PCDHA12: variants seen among roughly 807,000 people sequenced by gnomAD.
The protein encoded by PCDHA12 is protocadherin alpha-12.
Under a neutral mutation model 60.0 loss-of-function variants are expected in PCDHA12, and 44 were observed. The observed-to-expected ratio is 0.73, with a 90% CI of 0.58 to 0.94. PCDHA12 has a LOEUF of 0.94. PCDHA12 is among the 40% of genes least tolerant of loss of function. PCDHA12 has a pLI of 0.00. For synonymous variants in PCDHA12, 569 were observed against 553.0 expected (o/e 1.03, Z -0.40); for missense variants, 1,276 against 1,239.7 (o/e 1.03, Z -0.44).
chr5:140,884,824 T>A, intron 1 of PCDHA12: 1 of 993,590 alleles, frequency 1.0e-6, no homozygotes, highest in Non-Finnish European at 1.4e-6. Context: ...ACATTATGTG[T>A]TGGATTATCC....
intron 3 of PCDHA12, among the ~76,000 whole-genome samples, chr5:140,999,046 T>C (rs2097844534): frequency 6.6e-6 from 1 of 152,228 alleles, no homozygotes; most frequent in South Asian, 2.1e-4. Flanking sequence ...CAGTGTGCTT[T>C]CCACCATGCC....
At chr5:140,981,601 T>C (rs2096939953) in intron 2 of PCDHA12, among the ~76,000 whole-genome samples, 1 of 152,086 alleles carries the variant, frequency 6.6e-6, no homozygotes, top group Non-Finnish European at 1.5e-5. Flanking sequence ...AACAAAATGT[T>C]CCTCTAATTT....
intron 1 of PCDHA12, among the ~76,000 whole-genome samples, chr5:140,920,671 C>T (rs1218067284): frequency 2.0e-5 from 3 of 151,960 alleles, no homozygotes; most frequent in African/African-American, 7.3e-5. Flanking sequence ...TGGTGAAACC[C>T]CATCTCTACT....
intron 1 of PCDHA12, among the ~76,000 whole-genome samples, chr5:140,885,916 T>C (rs2060771663): frequency 1.3e-5 from 2 of 152,202 alleles, no homozygotes; most frequent in Admixed American, 1.3e-4. Flanking sequence ...CTTATAGATA[T>C]TAACTGTTTA....
intron 1 of PCDHA12, among the ~76,000 whole-genome samples, chr5:140,879,471 T>C (rs1320951448): frequency 1.3e-5 from 2 of 152,154 alleles, no homozygotes; most frequent in Non-Finnish European, 2.9e-5. Context: ...AGAATACCGT[T>C]GTGATTGGAA....
chr5:140,920,766 C>T (rs370765138), intron 1 of PCDHA12, among the ~76,000 whole-genome samples: 66 of 151,878 alleles, frequency 4.3e-4, no homozygotes, highest in African/African-American at 1.6e-3. Context: ...ATTGCTTACA[C>T]CTGGGAGGTG....
intron 1 of PCDHA12, among the ~76,000 whole-genome samples, chr5:140,952,123 C>T (rs1182943342): frequency 6.6e-6 from 1 of 152,056 alleles, no homozygotes; most frequent in Non-Finnish European, 1.5e-5. Context: ...GATGGGCTCC[C>T]AAGGCCTTGG....
At chr5:140,979,083 C>T (rs563728648) in intron 2 of PCDHA12, 76 bp downstream of exon 2, 207 of 1,562,578 alleles carry the variant, frequency 1.3e-4, no homozygotes, top group Admixed American at 6.5e-4. Context: ...TCTCCATAGG[C>T]CAGAAGCAGC....
Position 141,011,176 on chromosome 5 carries a change from A to G in PCDHA12, c.*1239A>G, listed in dbSNP as rs1198355681. On this transcript the variant is annotated 3_prime_UTR_variant, in exon 4 of 4. Coordinates refer to ENST00000398631, the MANE Select transcript of PCDHA12 (RefSeq NM_018903.4). The stretch of plus-strand genomic sequence containing the variant: ...ACCAACTATATATCAAGACCCAAAA[A>G]TTGAAGAAAAATATTGTTTTCTCAT... 1 of 153,724 alleles carries G rather than the reference A, an allele frequency of 6.5e-6. No homozygotes were observed. The highest frequency in any genetic ancestry group is 1.5e-5 in the Non-Finnish European group (1 of 68,024). The allele number at this position is 153,724 out of a possible 1,614,324, so 9.5% of individuals were successfully genotyped here.
At chr5:140,983,617 G>C (rs868994554) in intron 3 of PCDHA12, among the ~76,000 whole-genome samples, 1 of 152,228 alleles carries the variant, frequency 6.6e-6, no homozygotes, top group Admixed American at 6.5e-5. Context: ...GAGGCAGAGA[G>C]ATTAAGAAAT....
chr5:140,907,914 T>A (rs2073690399), intron 1 of PCDHA12, among the ~76,000 whole-genome samples: 4 of 152,242 alleles, frequency 2.6e-5, no homozygotes, highest in Admixed American at 1.3e-4. Context: ...TTTTGACCAC[T>A]CAGAGAGGTC....
intron 3 of PCDHA12, among the ~76,000 whole-genome samples, chr5:140,994,726 G>T (rs774837274): frequency 3.0e-4 from 45 of 151,958 alleles, no homozygotes; most frequent in Non-Finnish European, 3.7e-4. Flanking sequence ...TAAAATACTG[G>T]GTATTGCAGG....
intron 3 of PCDHA12, among the ~76,000 whole-genome samples, chr5:140,995,413 C>T (rs1554254672): frequency 6.6e-6 from 1 of 152,176 alleles, no homozygotes; most frequent in East Asian, 1.9e-4. Flanking sequence ...GATTTCATCA[C>T]ATTACTCAGA....
chr5:140,964,251 T>A (rs2095820730), intron 1 of PCDHA12, among the ~76,000 whole-genome samples: 2 of 152,330 alleles, frequency 1.3e-5, no homozygotes, highest in Non-Finnish European at 1.5e-5. Flanking sequence ...TGGCTTTATA[T>A]TTGACTCCTT....
At chr5:141,004,179 G>A (rs2098156608) in intron 3 of PCDHA12, among the ~76,000 whole-genome samples, 1 of 152,206 alleles carries the variant, frequency 6.6e-6, no homozygotes, top group Non-Finnish European at 1.5e-5. Flanking sequence ...CAAGTGTCTT[G>A]AGTGCTCTTA....
intron 1 of PCDHA12, among the ~76,000 whole-genome samples, chr5:140,976,053 A>G (rs1174656934): frequency 2.6e-5 from 4 of 152,222 alleles, no homozygotes; most frequent in Non-Finnish European, 5.9e-5. Flanking sequence ...AAATTGTGAT[A>G]GTAATATATG....
intron 1 of PCDHA12, chr5:140,882,427 G>C (rs201675412): frequency 1.6e-4 from 264 of 1,613,972 alleles, no homozygotes; most frequent in Middle Eastern, 1.7e-4. Context: ...AGGACCTGGG[G>C]CTGGAGCTGG....
At chr5:140,898,233 C>T (rs2066607638) in intron 1 of PCDHA12, among the ~76,000 whole-genome samples, 1 of 152,126 alleles carries the variant, frequency 6.6e-6, no homozygotes, top group African/African-American at 2.4e-5. Flanking sequence ...GTTGCCATTG[C>T]TTTTGGTGTT....
At chr5:140,920,481 G>T (rs2079651233) in intron 1 of PCDHA12, among the ~76,000 whole-genome samples, 1 of 151,886 alleles carries the variant, frequency 6.6e-6, no homozygotes, top group Non-Finnish European at 1.5e-5. Context: ...TATGTTTTTG[G>T]TCCAACAATA....
Sources: gnomAD v4.1 joint callset for allele counts (sites outside exome capture counted in the v4.1 genomes callset) on GRCh38, gnomAD v4.1.1 for gene constraint, MANE v1.5 for transcripts, NCBI Gene and HGNC (gene_info 2026-07-23, HGNC 2026-07-21) for gene names.